The following MMP26 variants were observed in gnomAD, a reference collection of about 807,000 sequenced individuals.
The protein encoded by MMP26 is matrix metalloproteinase-26.
MMP26 carries 33 observed loss-of-function variants against 31.0 expected under a neutral mutation model. The ratio of observed to expected loss-of-function variants is 1.06; its 90% CI spans 0.81 to 1.42. MMP26 has a LOEUF of 1.42. MMP26 is among the 40% of genes most tolerant of loss of function. The pLI, the probability that MMP26 is intolerant of heterozygous loss-of-function variation, is 0.00. For synonymous variants in MMP26, 122 were observed against 114.9 expected, an observed-to-expected ratio of 1.06 and a Z score of -0.40; for missense variants, 347 against 316.1, an observed-to-expected ratio of 1.10 and a Z score of -0.74.
chr11:4,815,117 C>A lies in MMP26; in HGVS notation c.-145+47776C>A, dbSNP rs559610670. ...ACAAAAGTTGCATTCTTTTGATCAA[C>A]CTTTCACTAAATACACAATTTACAC... On this transcript the variant is annotated intron_variant, in intron 2 of 7. Coordinates refer to ENST00000380390, the MANE Select transcript of MMP26 (RefSeq NM_021801.5). Among the ~76,000 whole-genome samples, 37 of 152,242 alleles carry A rather than the reference C, an allele frequency of 2.4e-4. No individual in the cohort carries two copies. In the East Asian group the frequency reaches 6.8e-3, roughly 28 times the overall value.
intron 2 of MMP26, among the ~76,000 whole-genome samples, chr11:4,809,634 G>A (rs1449858376): frequency 6.6e-6 from 1 of 152,200 alleles, no homozygotes; most frequent in African/African-American, 2.4e-5. Context: ...CAATAATGCT[G>A]GAGCAGTGTG....
intron 1 of MMP26, among the ~76,000 whole-genome samples, chr11:4,748,576 CAAA>C (rs376553434): frequency 3.3e-5 from 4 of 122,706 alleles, no homozygotes; most frequent in African/African-American, 5.7e-5. Flanking sequence ...AACAGCACAT[CAAA>C]AAAAAAAAAA....
At chr11:4,867,922 A>G (rs970939118) in intron 2 of MMP26, among the ~76,000 whole-genome samples, 10 of 152,178 alleles carry the variant, frequency 6.6e-5, no homozygotes, top group Non-Finnish European at 1.5e-4. Context: ...AAATTGTTCT[A>G]TTGTAAAGGC....
At chr11:4,893,158 A>G (rs1245441075) in intron 2 of MMP26, among the ~76,000 whole-genome samples, 2 of 152,116 alleles carry the variant, frequency 1.3e-5, no homozygotes, top group Non-Finnish European at 2.9e-5. Flanking sequence ...TAATATACAT[A>G]CTACATATTA....
intron 2 of MMP26, chr11:4,876,945 T>G (rs1449367200): frequency 6.4e-6 from 1 of 155,648 alleles, no homozygotes; most frequent in African/African-American, 2.4e-5. Flanking sequence ...GGCCATCCGC[T>G]TTCCTTTGCA....
intron 2 of MMP26, chr11:4,882,991 G>C (rs541443709): frequency 2.5e-6 from 2 of 792,220 alleles, no homozygotes; most frequent in Non-Finnish European, 4.0e-6. Context: ...TGAATTTTAG[G>C]AGTGGGAAGA....
intron 2 of MMP26, among the ~76,000 whole-genome samples, chr11:4,771,801 A>C (rs1848725988): frequency 1.3e-5 from 2 of 152,170 alleles, no homozygotes; most frequent in South Asian, 4.1e-4. Flanking sequence ...ACATTATGAA[A>C]ATATTTAAGT....
chr11:4,991,943 T>A, intron 6 of MMP26, 21 bp from the exon 7 acceptor site: 1 of 1,561,560 alleles, frequency 6.4e-7, no homozygotes, highest in Non-Finnish European at 8.6e-7. Context: ...TTTTATCTTT[T>A]TTTTTTCTAT....
chr11:4,926,520 A>G (rs1271550435), intron 2 of MMP26, among the ~76,000 whole-genome samples: 1 of 152,216 alleles, frequency 6.6e-6, no homozygotes, highest in Non-Finnish European at 1.5e-5. Flanking sequence ...TTCAGCCAGC[A>G]GGCATAGTGA....
chr11:4,799,591 C>G (rs1297673926), intron 2 of MMP26, among the ~76,000 whole-genome samples: 1 of 152,054 alleles, frequency 6.6e-6, no homozygotes, highest in African/African-American at 2.4e-5. Context: ...ATTTTATGTC[C>G]TTCTCACGTT....
At chr11:4,825,655 A>T (rs543571199) in intron 2 of MMP26, among the ~76,000 whole-genome samples, 1 of 152,220 alleles carries the variant, frequency 6.6e-6, no homozygotes, top group Non-Finnish European at 1.5e-5. Flanking sequence ...CTTACCTTCC[A>T]CCTGAACTTC....
rs778831652 is a variant in MMP26, at chr11:4,946,809, C to T, written c.-144-41259C>T. Reference sequence around the variant, plus strand: ...ATGAAGAATTCCTGGGCAAAGCAGGCATTGGATGAAATTTCAGGAGCATTG... The same window carrying T: ...ATGAAGAATTCCTGGGCAAAGCAGGTATTGGATGAAATTTCAGGAGCATTG... On this transcript the variant is annotated intron_variant, in intron 2 of 7. Coordinates refer to ENST00000380390, the MANE Select transcript of MMP26 (RefSeq NM_021801.5). The T allele has an allele frequency of 1.9e-6, 3 of 1,587,240 alleles. No homozygotes were observed. In the South Asian group the frequency reaches 3.3e-5, roughly 18 times the overall value.
intron 2 of MMP26, among the ~76,000 whole-genome samples, chr11:4,928,871 A>G (rs992361510): frequency 9.9e-5 from 15 of 152,166 alleles, no homozygotes; most frequent in African/African-American, 3.6e-4. Context: ...GTGGAATATT[A>G]AAGCTAAAAA....
intron 2 of MMP26, among the ~76,000 whole-genome samples, chr11:4,910,067 G>C (rs1283653635): frequency 6.6e-6 from 1 of 152,038 alleles, no homozygotes; most frequent in African/African-American, 2.4e-5. Context: ...AATTCTGTAA[G>C]CTGCAGTTCT....
intron 1 of MMP26, among the ~76,000 whole-genome samples, chr11:4,763,961 A>G (rs948362301): frequency 3.3e-5 from 5 of 152,208 alleles, no homozygotes; most frequent in Admixed American, 6.5e-5. Flanking sequence ...TAATTTTATA[A>G]TGCAATAAAC....
intron 2 of MMP26, among the ~76,000 whole-genome samples, chr11:4,895,011 A>G (rs752080797): frequency 6.6e-6 from 1 of 152,204 alleles, no homozygotes; most frequent in Non-Finnish European, 1.5e-5. Flanking sequence ...CAAAGCCCTA[A>G]TCAGTTGAAA....
At chr11:4,743,379 GT>G (rs1366318081) in intron 1 of MMP26, among the ~76,000 whole-genome samples, 1 of 152,094 alleles carries the variant, frequency 6.6e-6, no homozygotes, top group Non-Finnish European at 1.5e-5. Context: ...AAGACTATTG[GT>G]AAAATTGATT....
intron 2 of MMP26, among the ~76,000 whole-genome samples, chr11:4,861,395 G>A (rs916717203): frequency 5.9e-4 from 88 of 150,358 alleles, no homozygotes; most frequent in African/African-American, 1.9e-3. Context: ...ATATACATAC[G>A]CATAAATGTA....
At chr11:4,839,001 G>T (rs1198380814) in intron 2 of MMP26, among the ~76,000 whole-genome samples, 1 of 152,154 alleles carries the variant, frequency 6.6e-6, no homozygotes, top group Non-Finnish European at 1.5e-5. Flanking sequence ...GGAGAGGGGA[G>T]AGCAGACACA....
Sources: allele counts gnomAD v4.1 joint callset (sites outside exome capture counted in the v4.1 genomes callset), GRCh38; gene constraint gnomAD v4.1.1; transcripts MANE v1.5; gene names NCBI Gene and HGNC (gene_info 2026-07-23, HGNC 2026-07-21).